The following SEMA6B variants were observed in gnomAD, a reference collection of about 807,000 sequenced individuals.
The protein encoded by SEMA6B is semaphorin 6B.
A neutral mutation model predicts 78.6 loss-of-function variants in SEMA6B; 47 were observed. That is an observed-to-expected ratio of 0.60 (90% CI 0.47 to 0.76). The LOEUF (loss-of-function observed/expected upper bound fraction) is 0.76. Among genes scored for constraint, SEMA6B ranks in the 30% least tolerant of loss-of-function variants. The probability of loss-of-function intolerance (pLI) is 0.00; values close to 1 mark genes in which losing one functional copy is unlikely to be tolerated. For synonymous variants in SEMA6B, 632 were observed against 592.2 expected, an observed-to-expected ratio of 1.07 and a Z score of -0.98; for missense variants, 1,213 against 1,269.9, an observed-to-expected ratio of 0.96 and a Z score of 0.68.
intron 16 of SEMA6B, chr19:4,545,993 G>A (rs903030010): frequency 2.3e-6 from 1 of 433,798 alleles, no homozygotes; most frequent in Non-Finnish European, 4.3e-6. Context: ...GGATGGTCTA[G>A]ATCTCCTGAC....
At position 4,555,336 on chromosome 19, in the gene SEMA6B, G is replaced by A; in HGVS notation, c.562+138C>T. The stretch of plus-strand genomic sequence containing the variant: ...CAATCCCAGCTGAGCCCCAAACCTG[G>A]GCTGAGAGTCTGCCCATGTCACAGC... On this transcript the variant is annotated intron_variant, in intron 7 of 16. Transcript: ENST00000586582. The surrounding 1 kb of genome is among the most constrained non-coding windows in gnomAD (Gnocchi z 6.1). 2 of 857,772 alleles carry A rather than the reference G, an allele frequency of 2.3e-6. No individual in the cohort carries two copies. Among genetic ancestry groups the A allele is most frequent in the East Asian group, 5.3e-5 (2 of 37,606 alleles). 53.1% of individuals were successfully genotyped at this position (857,772 alleles called of 1,614,324 possible).
Position 4,550,971 on chromosome 19 carries a change from A to G in SEMA6B, c.990-41T>C. 1 of 1,610,234 alleles carries G rather than the reference A, an allele frequency of 6.2e-7. No individual in the cohort carries two copies. Among genetic ancestry groups the G allele is most frequent in the Non-Finnish European group, 8.5e-7 (1 of 1,178,040 alleles). ...GAAAGAGTTTGGTGAGCCCGGTGGGAGGCCCCATCTCGGACAAGTGCGTGC... is the reference window on the plus strand; with the variant it reads ...GAAAGAGTTTGGTGAGCCCGGTGGGGGGCCCCATCTCGGACAAGTGCGTGC... On this transcript the variant is annotated intron_variant, in intron 10 of 16. Transcript: ENST00000586582. The surrounding 1 kb of genome is among the most constrained non-coding windows in gnomAD (Gnocchi z 6.6).
At chr19:4,553,418 AGT>A (rs1301438467) in intron 9 of SEMA6B, among the ~76,000 whole-genome samples, 2 of 41,306 alleles carry the variant, frequency 4.8e-5, no homozygotes, top group East Asian at 2.7e-3. Context: ...TGGATAGGTG[AGT>A]TGGATGGGTG....
At position 4,544,414 on chromosome 19, in the gene SEMA6B, C is replaced by T. The variant is rs751999514; in HGVS notation, c.1854G>A (p.Val618=). Residue 618 remains valine, a synonymous_variant, in exon 17 of 17, where the codon GTG becomes GTA. Coordinates refer to ENST00000586582, the MANE Select transcript of SEMA6B (RefSeq NM_032108.4). The surrounding 1 kb of genome is among the most constrained non-coding windows in gnomAD (Gnocchi z 5.1). ...GCTCACGGAGGCCCACGAACCAGCC[C>T]ACGCTGAAGCCGGACACCACGGCTC... ...VVGAVVSGFS[V]GWFVGLRERR... is the part of the protein sequence containing the mutation. 3.7e-6 allele frequency: 6 copies of T among 1,604,234 alleles called. No individual in the cohort carries two copies. Among genetic ancestry groups the T allele is most frequent in the Non-Finnish European group, 5.1e-6 (6 of 1,176,538 alleles).
chr19:4,547,928 C>A, intron 14 of SEMA6B, 99 bp downstream of exon 14: 1 of 1,377,100 alleles, frequency 7.3e-7, no homozygotes, highest in Non-Finnish European at 9.6e-7. Context: ...AGCTCAATGA[C>A]CAGGACATCA....
In SEMA6B at chr19:4,544,901, G is replaced by A. The variant is rs1280848462; in HGVS notation, c.1739-372C>T. On this transcript the variant is annotated intron_variant, in intron 16 of 16. Transcript: ENST00000586582. The surrounding 1 kb of genome is among the most constrained non-coding windows in gnomAD (Gnocchi z 5.1). Reference sequence around the variant, plus strand: ...CCCACCTCTGCCTCCCAAAGTGCTGGGATTACAGGCATAAGCCACCACGAC... The same window carrying A: ...CCCACCTCTGCCTCCCAAAGTGCTGAGATTACAGGCATAAGCCACCACGAC... Among the ~76,000 whole-genome samples the A allele has an allele frequency of 6.6e-6, 1 of 151,732 alleles. No homozygotes were observed. The highest frequency in any genetic ancestry group is 1.5e-5 in the Non-Finnish European group (1 of 67,906).
Position 4,544,875 on chromosome 19 carries a change from G to A in SEMA6B, c.1739-346C>T, listed in dbSNP as rs1977125340. The stretch of plus-strand genomic sequence containing the variant: ...GTCTGAACTCCTGACCTTGTGATCC[G>A]CCCACCTCTGCCTCCCAAAGTGCTG... On this transcript the variant is annotated intron_variant, in intron 16 of 16. Transcript: ENST00000586582. The surrounding 1 kb of genome is among the most constrained non-coding windows in gnomAD (Gnocchi z 5.1). 6.6e-6 allele frequency among the ~76,000 whole-genome samples: 1 copy of A among 151,870 alleles called. No individual in the cohort carries two copies. Among genetic ancestry groups the A allele is most frequent in the Non-Finnish European group, 1.5e-5 (1 of 67,966 alleles).
At position 4,552,456 on chromosome 19, in the gene SEMA6B, C is replaced by G; in HGVS notation, c.955G>C (p.Val319Leu). The G allele has an allele frequency of 6.2e-7, 1 of 1,602,540 alleles. No homozygotes were observed. The highest frequency in any genetic ancestry group is 8.5e-7 in the Non-Finnish European group (1 of 1,175,284). ...TGVVSLGGRP[V>L]VLAVFSTPSN... is the part of the protein sequence containing the mutation. The stretch of plus-strand genomic sequence containing the variant: ...GGCGTGGAAAAAACGGCCAGGACCA[C>G]GGGCCGGCCCCCGAGGCTGACCACG... Residue 319 changes from valine to leucine, a missense_variant, in exon 10 of 17, where the codon GTG (valine) becomes CTG (leucine). By Grantham distance (32) the Val-to-Leu change is conservative (BLOSUM62 1). Transcript: ENST00000586582. This position sits in a 1 kb window ranked among gnomAD's most constrained non-coding sequence, Gnocchi z 7.4.
chr19:4,544,006 C>T lies in SEMA6B; in HGVS notation c.2262G>A (p.Ala754=). 1 of 1,209,628 alleles carries T rather than the reference C, an allele frequency of 8.3e-7. No individual in the cohort carries two copies. The highest frequency in any genetic ancestry group is 1.0e-6 in the Non-Finnish European group (1 of 974,280). 74.9% of individuals were successfully genotyped at this position (1,209,628 alleles called of 1,614,324 possible). ...GGGGCTGCTCGGGGGCCCGGGCGGG[C>T]GCCAGCAGCAGGAGGGAGGATGAAG... ...ASASSSLLLL[A]PARAPEQPPA... The change falls in exon 17 of 17, where the codon GCG becomes GCA. Residue 754 remains alanine (A), a synonymous_variant. Transcript: ENST00000586582. This position sits in a 1 kb window ranked among gnomAD's most constrained non-coding sequence, Gnocchi z 5.1.
In SEMA6B at chr19:4,544,107, G is replaced by A. The variant is rs1242547577; in HGVS notation, c.2161C>T (p.Pro721Ser). The change falls in exon 17 of 17, where the codon CCC becomes TCC. Residue 721 changes from proline (P) to serine (S), a missense_variant. Pro to Ser is a moderately conservative substitution (Grantham distance 74, BLOSUM62 -1). Transcript: ENST00000586582. This position sits in a 1 kb window ranked among gnomAD's most constrained non-coding sequence, Gnocchi z 5.1. ...GCGTGGGGGTGCGGGTGCGGAGTGGGCAGGCGCTTCTGCGGCAGCGGCGTC... is the reference window on the plus strand; with the variant it reads ...GCGTGGGGGTGCGGGTGCGGAGTGGACAGGCGCTTCTGCGGCAGCGGCGTC... ...EQTPLPQKRL[P>S]TPHPHPHALG... 1.6e-6 allele frequency: 2 copies of A among 1,272,760 alleles called. No homozygotes were observed. Among genetic ancestry groups the A allele is most frequent in the African/African-American group, 1.6e-5 (1 of 64,368 alleles). 78.8% of individuals were successfully genotyped at this position (1,272,760 alleles called of 1,614,324 possible).
rs374860692 is a variant in SEMA6B at position 4,546,424 on chromosome 19, G to T, written c.1647C>A (p.Asp549Glu). 4 of 1,580,736 alleles carry T rather than the reference G, an allele frequency of 2.5e-6. No individual in the cohort carries two copies. Among genetic ancestry groups the T allele is most frequent in the South Asian group, 1.2e-5 (1 of 86,742 alleles). ...CCGGGCTGAGGAAGATGCAGGAGCC[G>T]TCGGGGGCCCACCCGCAGTAGGGGT... ...SQDPYCGWAP[D>E]GSCIFLSPGT... Residue 549 changes from aspartate to glutamate, a missense_variant, in exon 15 of 17, where the codon GAC becomes GAA. By Grantham distance (45) the Asp-to-Glu change is conservative (BLOSUM62 2). Coordinates refer to ENST00000586582, the MANE Select transcript of SEMA6B (RefSeq NM_032108.4).
chr19:4,553,821 A>C (rs1977401173), intron 9 of SEMA6B, among the ~76,000 whole-genome samples: 1 of 121,838 alleles, frequency 8.2e-6, no homozygotes, highest in Non-Finnish European at 1.8e-5. Flanking sequence ...GGATGGGTGA[A>C]TGGATTGGCA....
In SEMA6B at chr19:4,542,905, G is replaced by A. The variant is rs770246647; in HGVS notation, c.*696C>T. On this transcript the variant is annotated 3_prime_UTR_variant, in exon 17 of 17. Transcript: ENST00000586582. Reference sequence around the variant, plus strand: ...TTGTCCCCGCTTCCCTCTGCAGAGTGGGGGGGGTTCAAACTCCTAACCGGC... The same window carrying A: ...TTGTCCCCGCTTCCCTCTGCAGAGTAGGGGGGGTTCAAACTCCTAACCGGC... 11 of 684,406 alleles carry A rather than the reference G, an allele frequency of 1.6e-5. No homozygotes were observed. Among genetic ancestry groups the A allele is most frequent in the Non-Finnish European group, 2.6e-5 (10 of 383,418 alleles). 42.4% of individuals were successfully genotyped at this position (684,406 alleles called of 1,614,324 possible).
chr19:4,547,808 C>A (rs900445617), intron 14 of SEMA6B, among the ~76,000 whole-genome samples: 4 of 152,184 alleles, frequency 2.6e-5, no homozygotes, highest in Non-Finnish European at 5.9e-5. Context: ...CCTCCTCCCT[C>A]ACTCCCCCTT....
At chr19:4,545,675 T>C (rs990435166) in intron 16 of SEMA6B, 5 of 152,956 alleles carry the variant, frequency 3.3e-5, no homozygotes, top group African/African-American at 9.7e-5. Context: ...GTCTGCCTTC[T>C]GTTGTCTCTT....
chr19:4,543,871 C>A lies in SEMA6B; in HGVS notation c.2397G>T (p.Arg799=). ...LTPHASPDRR[R]VVSAPTGPLD... ...AGGGGCCCGTGGGCGCGGACACCAC[C>A]CGCCGGCGGTCCGGGCTGGCGTGGG... The change falls in exon 17 of 17, where the codon CGG becomes CGT. Residue 799 remains arginine (R), a synonymous_variant. Coordinates refer to ENST00000586582, the MANE Select transcript of SEMA6B (RefSeq NM_032108.4). 8.3e-7 allele frequency: 1 copy of A among 1,206,906 alleles called. No homozygotes were observed. Among genetic ancestry groups the A allele is most frequent in the Non-Finnish European group, 1.0e-6 (1 of 972,198 alleles). 74.8% of individuals were successfully genotyped at this position (1,206,906 alleles called of 1,614,324 possible).
In SEMA6B at chr19:4,542,822, GC is replaced by G. The variant is rs1471802988; in HGVS notation, c.*778del. 1.4e-6 allele frequency: 1 copy of G among 701,150 alleles called. No individual in the cohort carries two copies. Among genetic ancestry groups the G allele is most frequent in the East Asian group, 2.7e-5 (1 of 37,208 alleles). 43.4% of individuals were successfully genotyped at this position (701,150 alleles called of 1,614,324 possible). A position where few individuals can be genotyped will look rare whatever the true frequency, so the allele number is the denominator to read the frequency against. On this transcript the variant is annotated 3_prime_UTR_variant, in exon 17 of 17. Coordinates refer to ENST00000586582, the MANE Select transcript of SEMA6B (RefSeq NM_032108.4). The stretch of plus-strand genomic sequence containing the variant: ...AGGCCCCCAAGCCCTTTAGACAGCT[GC>G]TGCCGATGTGACTTCCGGGCAGGCC...
chr19:4,544,227 G>A lies in SEMA6B; in HGVS notation c.2041C>T (p.Leu681=), dbSNP rs763869846. The A allele has an allele frequency of 1.6e-6, 2 of 1,274,324 alleles. No individual in the cohort carries two copies. Among genetic ancestry groups the A allele is most frequent in the Non-Finnish European group, 9.9e-7 (1 of 1,013,144 alleles). The allele number at this position is 1,274,324 out of a possible 1,614,324, so 78.9% of individuals were successfully genotyped here. ...GGAGVPPEAL[L]APLMQNGWAK... ...CAGCCGTTCTGCATCAGGGGCGCCA[G>A]CAGGGCCTCCGGGGGAACCCCGGCG... Residue 681 remains leucine (L), a synonymous_variant, in exon 17 of 17, where the codon CTG becomes TTG. Coordinates refer to ENST00000586582, the MANE Select transcript of SEMA6B (RefSeq NM_032108.4). This position sits in a 1 kb window ranked among gnomAD's most constrained non-coding sequence, Gnocchi z 5.1.
At chr19:4,551,689 T>C (rs1599778989) in intron 10 of SEMA6B, among the ~76,000 whole-genome samples, 1 of 151,180 alleles carries the variant, frequency 6.6e-6, no homozygotes, top group African/African-American at 2.4e-5. Flanking sequence ...ATAAGCTGGG[T>C]GTGGTGGCGC....
Sources: allele counts gnomAD v4.1 joint callset (sites outside exome capture counted in the v4.1 genomes callset), GRCh38; gene constraint gnomAD v4.1.1; non-coding constraint Gnocchi (gnomAD v3.1); transcripts MANE v1.5; gene names NCBI Gene and HGNC (gene_info 2026-07-23, HGNC 2026-07-21).